PSG6: variants seen among roughly 807,000 people sequenced by gnomAD.
PSG6 encodes the protein pregnancy specific beta-1-glycoprotein 6.
A neutral mutation model predicts 43.3 loss-of-function variants in PSG6; 51 were observed. That is an observed-to-expected ratio of 1.18 (90% CI 0.94 to 1.49). The LOEUF (loss-of-function observed/expected upper bound fraction) is 1.49, where lower values mean the gene tolerates loss of function less well. PSG6 is among the 40% of genes most tolerant of loss of function. PSG6 has a pLI of 0.00. For missense variants in PSG6, 770 were observed against 522.2 expected, an observed-to-expected ratio of 1.47 and a Z score of -4.62; for synonymous variants, 292 against 197.6, an observed-to-expected ratio of 1.48 and a Z score of -4.01.
chr19:42,916,109 A>T lies in PSG6; in HGVS notation c.427+16T>A. ...CCCTGCCCCCCAACACCCAGGGATC[A>T]TGCGGAATCACTCACAGTATAAGGT... On this transcript the variant is annotated intron_variant, in intron 2 of 5. Transcript: ENST00000187910. 2 of 1,609,526 alleles carry T rather than the reference A, an allele frequency of 1.2e-6. No homozygotes were observed. Among genetic ancestry groups the T allele is most frequent in the Non-Finnish European group, 1.7e-6 (2 of 1,177,946 alleles).
chr19:42,908,422 C>T (rs1470711984), intron 3 of PSG6, among the ~76,000 whole-genome samples: 3 of 151,712 alleles, frequency 2.0e-5, no homozygotes, highest in Admixed American at 6.6e-5. Context: ...AGTCATCAGG[C>T]ACTAGAGGCA....
At chr19:42,915,528 C>G (rs1450049338) in intron 2 of PSG6, 1 of 156,090 alleles carries the variant, frequency 6.4e-6, no homozygotes, top group Non-Finnish European at 1.4e-5. Context: ...CCTCTCCACT[C>G]TGAGTGTCAG....
Position 42,903,726 on chromosome 19 carries a change from A to AT in PSG6, c.1241-1281_1241-1280insA, listed in dbSNP as rs1491291438. Reference sequence around the variant, plus strand: ...TAACCTGGGGAGATGCTGTCTCTACAAAAAAAAAAAAAACCAATTAGCTGG... The same window carrying AT: ...TAACCTGGGGAGATGCTGTCTCTACATAAAAAAAAAAAAACCAATTAGCTGG... On this transcript the variant is annotated intron_variant, in intron 5 of 5. Transcript: ENST00000187910. 20 of 170,030 alleles carry AT rather than the reference A, an allele frequency of 1.2e-4. No individual in the cohort carries two copies. The Middle Eastern group carries it at 6.1e-3, about 52-fold the overall frequency. 10.5% of individuals were successfully genotyped at this position (170,030 alleles called of 1,614,324 possible).
Position 42,907,082 on chromosome 19 carries a change from C to A in PSG6, c.1080G>T (p.Pro360=). The part of the protein sequence containing the change: ...DLSCFADSNP[P]AEYSWTINGK... ...CATTAATTGTCCAAGAATACTCTGC[C>A]GGTGGGTTAGAGTCCGCAAAGCAGG... The change falls in exon 5 of 6, where the codon CCG becomes CCT. Residue 360 remains proline (P), a synonymous_variant. Transcript: ENST00000187910. 1.2e-6 allele frequency: 2 copies of A among 1,612,610 alleles called. No homozygotes were observed. The highest frequency in any genetic ancestry group is 1.7e-6 in the Non-Finnish European group (2 of 1,179,236).
chr19:42,917,578 T>C, intron 1 of PSG6, 151 bp downstream of exon 1: 3 of 1,258,318 alleles, frequency 2.4e-6, no homozygotes, highest in South Asian at 2.7e-5. Context: ...TTGGCCAGAC[T>C]GATCTTGAAC....
intron 1 of PSG6, 88 bp from the exon 2 acceptor site, chr19:42,916,575 AATC>A (rs1972339465): frequency 1.3e-6 from 2 of 1,496,552 alleles, no homozygotes. Context: ...AGGTCTCTTC[AATC>A]ATCAGCCTTG....
rs1288857347 is a variant in PSG6 at position 42,902,598 on chromosome 19, T to C, written c.1241-152A>G. 5 of 1,110,696 alleles carry C rather than the reference T, an allele frequency of 4.5e-6. No individual in the cohort carries two copies. The African/African-American group carries it at 7.8e-5, about 17-fold the overall frequency. 68.8% of individuals were successfully genotyped at this position (1,110,696 alleles called of 1,614,324 possible). Reference sequence around the variant, plus strand: ...CTCCAATGGGTGACTGGTTGGAGGATTCCTCATCAGCCTTGCAAAAACTCT... The same window carrying C: ...CTCCAATGGGTGACTGGTTGGAGGACTCCTCATCAGCCTTGCAAAAACTCT... On this transcript the variant is annotated intron_variant, in intron 5 of 5. Transcript: ENST00000187910.
chr19:42,903,853 A>G (rs1972072936), intron 5 of PSG6: 5 of 1,202,754 alleles, frequency 4.2e-6, no homozygotes, highest in Non-Finnish European at 5.4e-6. Context: ...TAATCACACC[A>G]CTGTATTCCA....
At chr19:42,915,710 CA>C in intron 2 of PSG6, 1 of 258,030 alleles carries the variant, frequency 3.9e-6, no homozygotes, top group Non-Finnish European at 7.3e-6. Context: ...TTACCTGGAG[CA>C]AGGATTTAGG....
intron 1 of PSG6, among the ~76,000 whole-genome samples, 157 bp from the exon 2 acceptor site, chr19:42,916,644 G>T (rs1401614066): frequency 6.6e-6 from 1 of 150,946 alleles, no homozygotes; most frequent in Non-Finnish European, 1.5e-5. Flanking sequence ...ATGTGTGTTT[G>T]TGTGTGTGTA....
chr19:42,902,851 T>C lies in PSG6; in HGVS notation c.1241-405A>G, dbSNP rs1228577054. 1.3e-5 allele frequency among the ~76,000 whole-genome samples: 2 copies of C among 151,590 alleles called. 1 individual carries two copies. Among genetic ancestry groups the C allele is most frequent in the Non-Finnish European group, 2.9e-5 (2 of 67,892 alleles). On this transcript the variant is annotated intron_variant, in intron 5 of 5. Coordinates refer to ENST00000187910, the MANE Select transcript of PSG6 (RefSeq NM_001031850.4). ...TTCTTTGCACTTAGCTTTTTTTCTT[T>C]CTCTCCCACAATTAGTCAGTAACCA...
Position 42,902,235 on chromosome 19 carries a change from T to G in PSG6, c.*177A>C, listed in dbSNP as rs1972045951. The stretch of plus-strand genomic sequence containing the variant: ...TTACCAATTGCTGAAGAAAAAAAGT[T>G]CATAAATCTGGAGAATAAAACATTC... On this transcript the variant is annotated 3_prime_UTR_variant, in exon 6 of 6. Coordinates refer to ENST00000187910, the MANE Select transcript of PSG6 (RefSeq NM_001031850.4). 6.0e-6 allele frequency: 5 copies of G among 838,428 alleles called. No homozygotes were observed. Among genetic ancestry groups the G allele is most frequent in the South Asian group, 2.5e-5 (1 of 40,726 alleles). The allele number at this position is 838,428 out of a possible 1,614,324, so 51.9% of individuals were successfully genotyped here.
intron 2 of PSG6, 50 bp downstream of exon 2, chr19:42,916,075 A>G (rs2078971721): frequency 6.2e-7 from 1 of 1,603,340 alleles, no homozygotes; most frequent in South Asian, 1.1e-5. Context: ...TGTGTGAAGT[A>G]GAAATGACCC....
intron 5 of PSG6, 51 bp downstream of exon 5, chr19:42,906,871 A>C: frequency 6.2e-7 from 1 of 1,611,456 alleles, no homozygotes; most frequent in Non-Finnish European, 8.5e-7. Context: ...TCTGAAAGCC[A>C]GATAGACTCC....
At position 42,914,889 on chromosome 19, in the gene PSG6, C is replaced by G. The variant is rs992638394; in HGVS notation, c.427+1236G>C. On this transcript the variant is annotated intron_variant, in intron 2 of 5. Transcript: ENST00000187910. ...GACACTTGGGAAACACAGGATTTCA[C>G]ATTCAGTGATGGAGGTTAAGATCTG... Among the ~76,000 whole-genome samples the G allele has an allele frequency of 4.6e-5, 7 of 151,596 alleles. 2 individuals carry two copies. The highest frequency in any genetic ancestry group is 1.5e-4 in the African/African-American group (6 of 41,230).
Position 42,916,321 on chromosome 19 carries a change from A to C in PSG6, c.231T>G (p.His77Gln). The stretch of plus-strand genomic sequence containing the variant: ...CGTGTACTACATATGATGTAATGTA[A>C]TGGTAGAGGTCCGTCATTTGCCCTT... ...WYKGQMTDLY[H>Q]YITSYVVHGQ... Residue 77 changes from histidine to glutamine, a missense_variant, in exon 2 of 6, where the codon CAT (histidine) becomes CAG (glutamine). Transcript: ENST00000187910. 1 of 1,612,152 alleles carries C rather than the reference A, an allele frequency of 6.2e-7. No individual in the cohort carries two copies. Among genetic ancestry groups the C allele is most frequent in the Non-Finnish European group, 8.5e-7 (1 of 1,179,100 alleles).
chr19:42,917,058 C>G lies in PSG6; in HGVS notation c.65-571G>C, dbSNP rs1202089308. 5.5e-5 allele frequency among the ~76,000 whole-genome samples: 8 copies of G among 145,266 alleles called. No homozygotes were observed. In the South Asian group the frequency reaches 9.6e-4, roughly 17 times the overall value. On this transcript the variant is annotated intron_variant, in intron 1 of 5. Coordinates refer to ENST00000187910, the MANE Select transcript of PSG6 (RefSeq NM_001031850.4). ...CCTGTAGATGTGAGAGTTCTCAGGGCCCTCCATGCCCTGGGTGTTTTTTTT... is the reference window on the plus strand; with the variant it reads ...CCTGTAGATGTGAGAGTTCTCAGGGGCCTCCATGCCCTGGGTGTTTTTTTT...
intron 3 of PSG6, 155 bp downstream of exon 3, chr19:42,910,425 A>G: frequency 1.3e-6 from 2 of 1,576,910 alleles, no homozygotes; most frequent in Non-Finnish European, 8.7e-7. Flanking sequence ...GCCTAGGCCT[A>G]CTCTGGTTTG....
At chr19:42,907,554 C>A (rs761055261) in intron 4 of PSG6, 22 bp downstream of exon 4, 1 of 1,610,770 alleles carries the variant, frequency 6.2e-7, no homozygotes, top group Non-Finnish European at 8.5e-7. Context: ...TCCTGGCCCA[C>A]AGAGGAACAA....
Sources: allele counts gnomAD v4.1 joint callset (sites outside exome capture counted in the v4.1 genomes callset), GRCh38; gene constraint gnomAD v4.1.1; transcripts MANE v1.5; gene names NCBI Gene and HGNC (gene_info 2026-07-23, HGNC 2026-07-21).